The following NFATC2 variants were observed in gnomAD, a reference collection of about 807,000 sequenced individuals.
The protein encoded by NFATC2 is nuclear factor of activated T cells 2.
A neutral mutation model predicts 87.3 loss-of-function variants in NFATC2; 22 were observed. That is an observed-to-expected ratio of 0.25 (90% CI 0.18 to 0.36). The LOEUF is 0.36. NFATC2 is among the 10% of genes least tolerant of loss of function. The probability of loss-of-function intolerance (pLI) is 1.00; values close to 1 mark genes in which losing one functional copy is unlikely to be tolerated. For missense variants in NFATC2, 1,149 were observed against 1,259.1 expected (o/e 0.91, Z 1.32); for synonymous variants, 565 against 542.2 (o/e 1.04, Z -0.58).
intron 4 of NFATC2, among the ~76,000 whole-genome samples, 162 bp from the exon 5 acceptor site, chr20:51,474,314 T>G (rs565172611): frequency 6.6e-6 from 1 of 152,298 alleles, no homozygotes; most frequent in African/African-American, 2.4e-5. Context: ...TAAAAAATAC[T>G]TAACAAAAGC....
At chr20:51,425,408 C>G (rs1205566348) in intron 9 of NFATC2, among the ~76,000 whole-genome samples, 1 of 152,226 alleles carries the variant, frequency 6.6e-6, no homozygotes, top group Non-Finnish European at 1.5e-5. Flanking sequence ...CTGAGATACT[C>G]AGACCGGGCT....
rs752703674 is a variant in NFATC2 at position 51,523,991 on chromosome 20, C to T, written c.250G>A (p.Gly84Ser). 4 of 1,569,770 alleles carry T rather than the reference C, an allele frequency of 2.5e-6. No individual in the cohort carries two copies. The highest frequency in any genetic ancestry group is 3.4e-6 in the Non-Finnish European group (4 of 1,163,610). ...PLASLSGEPP[G>S]RFGEPDRVGP... ...ACCCTATCCGGCTCTCCGAATCGGC[C>T]GGGGGGCTCGCCAGAGAGACTAGCA... The change falls in exon 2 of 11, where the codon GGC (glycine) becomes AGC (serine). Residue 84 changes from glycine (G) to serine (S), a missense_variant. Gly to Ser is a moderately conservative substitution (Grantham distance 56). Around this residue, in one of 3 missense-constraint regions of NFATC2, gnomAD observed 563 missense variants for 585.2 expected, o/e 0.96. Transcript: ENST00000371564. The surrounding 1 kb of genome is among the most constrained non-coding windows in gnomAD (Gnocchi z 6.9).
At chr20:51,537,233 G>A (rs956098468) in intron 1 of NFATC2, among the ~76,000 whole-genome samples, 1 of 151,346 alleles carries the variant, frequency 6.6e-6, no homozygotes, top group African/African-American at 2.4e-5. Flanking sequence ...GGAGTGGAGA[G>A]GGGAGGTGGG....
chr20:51,476,427 G>T (rs1404240620), intron 3 of NFATC2, among the ~76,000 whole-genome samples: 3 of 152,028 alleles, frequency 2.0e-5, no homozygotes, highest in East Asian at 3.9e-4. Flanking sequence ...ACAGATAAAA[G>T]ATTAGCACAT....
intron 9 of NFATC2, among the ~76,000 whole-genome samples, chr20:51,409,361 G>GA (rs1434487056): frequency 2.0e-5 from 3 of 152,154 alleles, no homozygotes; most frequent in African/African-American, 7.2e-5. Flanking sequence ...CAGCAGAATG[G>GA]AAAAATAGGC....
At chr20:51,470,226 G>T (rs8119860) in intron 5 of NFATC2, among the ~76,000 whole-genome samples, 19,923 of 152,182 alleles carry the variant, frequency 0.13, 1,555 homozygotes, top group Middle Eastern at 0.2. Context: ...GGGAAGGGGT[G>T]GGGGCAGCAT....
rs1255504903 is a variant in NFATC2, at chr20:51,524,251, C to T, written c.131-141G>A. 1.5e-5 allele frequency: 11 copies of T among 733,282 alleles called. No homozygotes were observed. The highest frequency in any genetic ancestry group is 2.1e-5 in the Non-Finnish European group (11 of 516,526). The allele number at this position is 733,282 out of a possible 1,614,324, so 45.4% of individuals were successfully genotyped here. A position where few individuals can be genotyped will look rare whatever the true frequency, so the allele number is the denominator to read the frequency against. On this transcript the variant is annotated intron_variant, in intron 1 of 10. Transcript: ENST00000371564. The surrounding 1 kb of genome is among the most constrained non-coding windows in gnomAD (Gnocchi z 4.0). ...CATGCCAAACCCCAAGCTAGAAGCT[C>T]CGTCCCTCACCAGAAGAAAACTGAG...
At chr20:51,530,712 A>C (rs1003884530) in intron 1 of NFATC2, among the ~76,000 whole-genome samples, 1 of 152,052 alleles carries the variant, frequency 6.6e-6, no homozygotes, top group African/African-American at 2.4e-5. Flanking sequence ...TGTTCCCCTT[A>C]CCCAGAACTC....
At chr20:51,436,538 G>A (rs1252908370) in intron 6 of NFATC2, among the ~76,000 whole-genome samples, 2 of 151,774 alleles carry the variant, frequency 1.3e-5, no homozygotes, top group South Asian at 2.1e-4. Flanking sequence ...GTGAAACCCC[G>A]TCTCTACTAA....
chr20:51,528,280 G>C (rs913846929), intron 1 of NFATC2, among the ~76,000 whole-genome samples: 3 of 152,046 alleles, frequency 2.0e-5, no homozygotes, highest in African/African-American at 4.8e-5. Flanking sequence ...CTACAAAAAG[G>C]CCTGAAGAAG....
chr20:51,548,774 T>C (rs1295985679), intron 1 of NFATC2, among the ~76,000 whole-genome samples: 1 of 152,216 alleles, frequency 6.6e-6, no homozygotes, highest in Non-Finnish European at 1.5e-5. Context: ...ACAGAGCTTC[T>C]ACCTGAGATC....
chr20:51,561,347 G>GAAAA (rs755835542), intron 1 of NFATC2, among the ~76,000 whole-genome samples: 1 of 132,190 alleles, frequency 7.6e-6, no homozygotes, highest in Non-Finnish European at 1.6e-5. Context: ...AAGAAAGAAA[G>GAAAA]AGAGAGAAAG....
In NFATC2 at chr20:51,390,728, A is replaced by G. The variant is rs1986228769; in HGVS notation, c.*768T>C. On this transcript the variant is annotated 3_prime_UTR_variant, in exon 11 of 11. Coordinates refer to ENST00000371564, the MANE Select transcript of NFATC2 (RefSeq NM_012340.5). ...ATAATAACAAACGCGTATACATGTCATAACTTAACGCCAAGAAGTCTTAAC... is the reference window on the plus strand; with the variant it reads ...ATAATAACAAACGCGTATACATGTCGTAACTTAACGCCAAGAAGTCTTAAC... The G allele has an allele frequency of 6.2e-6, 1 of 160,208 alleles. No individual in the cohort carries two copies. Among genetic ancestry groups the G allele is most frequent in the Admixed American group, 5.8e-5 (1 of 17,320 alleles). The allele number at this position is 160,208 out of a possible 1,614,324, so 9.9% of individuals were successfully genotyped here.
chr20:51,501,171 T>A (rs1280175235), intron 3 of NFATC2, among the ~76,000 whole-genome samples: 3 of 151,876 alleles, frequency 2.0e-5, no homozygotes, highest in Non-Finnish European at 4.4e-5. Flanking sequence ...AGACAACACT[T>A]CCTCTATACC....
chr20:51,561,495 G>GAAAGAAAGAAAA (rs1568765993), intron 1 of NFATC2, among the ~76,000 whole-genome samples: 2 of 110,968 alleles, frequency 1.8e-5, no homozygotes, highest in East Asian at 5.0e-4. Context: ...AAGCAAGCAA[G>GAAAGAAAGAAAA]CAAGCAAGCA....
At chr20:51,488,758 T>C (rs1449683053) in intron 3 of NFATC2, among the ~76,000 whole-genome samples, 1 of 152,152 alleles carries the variant, frequency 6.6e-6, no homozygotes, top group Non-Finnish European at 1.5e-5. Context: ...GCATCCAGCC[T>C]CTCGCTAATT....
intron 3 of NFATC2, among the ~76,000 whole-genome samples, chr20:51,484,613 C>T (rs1989552587): frequency 6.6e-6 from 1 of 152,212 alleles, no homozygotes; most frequent in South Asian, 2.1e-4. Flanking sequence ...ACCTACGCCT[C>T]TCCCATGACA....
intron 1 of NFATC2, among the ~76,000 whole-genome samples, chr20:51,553,544 A>G (rs2076952008): frequency 6.6e-6 from 1 of 151,942 alleles, no homozygotes; most frequent in African/African-American, 2.4e-5. Flanking sequence ...GCATGGTGGC[A>G]GGTGCCTGTA....
At chr20:51,406,002 C>T (rs181780083) in intron 9 of NFATC2, among the ~76,000 whole-genome samples, 4 of 152,340 alleles carry the variant, frequency 2.6e-5, no homozygotes, top group Admixed American at 2.6e-4. Context: ...GTCTCAAACT[C>T]CTGACCTCAG....
Sources: gnomAD v4.1 joint callset for allele counts (sites outside exome capture counted in the v4.1 genomes callset) on GRCh38, gnomAD v4.1.1 for gene constraint, gnomAD v4.1.1 regional missense constraint, Gnocchi (gnomAD v3.1) non-coding constraint, MANE v1.5 for transcripts, NCBI Gene and HGNC (gene_info 2026-07-23, HGNC 2026-07-21) for gene names.